FAT4: variants seen among roughly 807,000 people sequenced by gnomAD.
FAT4 encodes FAT atypical cadherin 4.
FAT4 carries 84 observed loss-of-function variants against 303.9 expected under a neutral mutation model. The ratio of observed to expected loss-of-function variants is 0.28; its 90% CI spans 0.23 to 0.33. The LOEUF (loss-of-function observed/expected upper bound fraction) is 0.33, where lower values mean the gene tolerates loss of function less well. Ranked by LOEUF, FAT4 falls within the 10% of genes least tolerant of loss-of-function variation. The pLI is 1.00. For missense variants in FAT4, 6,005 were observed against 6,146.8 expected (o/e 0.98, Z 0.77); for synonymous variants, 2,307 against 2,298.8 (o/e 1.00, Z -0.10).
intron 7 of FAT4, among the ~76,000 whole-genome samples, chr4:125,422,623 G>C (rs1237476123): frequency 6.6e-6 from 1 of 152,158 alleles, no homozygotes; most frequent in Non-Finnish European, 1.5e-5. Flanking sequence ...GCCAAACTGT[G>C]GGTCAATTAA....
In FAT4 at chr4:125,408,452, G is replaced by T. The variant is rs1225717812; in HGVS notation, c.5578G>T (p.Val1860Leu). Residue 1860 changes from valine (V) to leucine (L), a missense_variant, in exon 5 of 18, where the codon GTA (valine) becomes TTA (leucine). Val to Leu is a conservative substitution (Grantham distance 32). Transcript: ENST00000394329. ...IPEDTIPGSL[V>L]AAILATDDDS... is the part of the protein sequence containing the mutation. ...ATTTATTCTTTTGATAGGTTCTTTG[G>T]TAGCAGCCATTTTAGCCACGGATGA... 8 of 1,588,912 alleles carry T rather than the reference G, an allele frequency of 5.0e-6. No homozygotes were observed. The highest frequency in any genetic ancestry group is 6.8e-6 in the Non-Finnish European group (8 of 1,168,182).
At chr4:125,353,921 T>A (rs1732329973) in intron 2 of FAT4, among the ~76,000 whole-genome samples, 1 of 151,750 alleles carries the variant, frequency 6.6e-6, no homozygotes, top group South Asian at 2.1e-4. Flanking sequence ...TCTATCATCC[T>A]TATTTAAAAT....
Position 125,316,719 on chromosome 4 carries a change from G to C in FAT4, c.308G>C (p.Ser103Thr), listed in dbSNP as rs749388644. Reference protein sequence around the residue: ...TSTIDRESLPSDVINLVVLSS... With the variant: ...TSTIDRESLPTDVINLVVLSS... ...ACCATCGACCGCGAGAGCCTGCCCA[G>C]CGACGTGATCAACCTGGTGGTCCTT... is the stretch of plus-strand genomic sequence containing the variant. Residue 103 changes from serine (S) to threonine (T), a missense_variant, in exon 2 of 18, where the codon AGC becomes ACC. Ser to Thr is a moderately conservative substitution (Grantham distance 58, BLOSUM62 1). Coordinates refer to ENST00000394329, the MANE Select transcript of FAT4 (RefSeq NM_001291303.3). The surrounding 1 kb of genome is among the most constrained non-coding windows in gnomAD (Gnocchi z 5.7). 2 of 1,613,862 alleles carry C rather than the reference G, an allele frequency of 1.2e-6. No individual in the cohort carries two copies. Among genetic ancestry groups the C allele is most frequent in the South Asian group, 2.2e-5 (2 of 91,076 alleles).
At chr4:125,393,637 C>T (rs148097157) in intron 2 of FAT4, among the ~76,000 whole-genome samples, 32 of 152,216 alleles carry the variant, frequency 2.1e-4, no homozygotes, top group African/African-American at 7.5e-4. Context: ...GCACTATTCC[C>T]ACAGAAATAT....
intron 7 of FAT4, among the ~76,000 whole-genome samples, chr4:125,433,388 G>A (rs1168045037): frequency 2.0e-5 from 3 of 152,166 alleles, no homozygotes. Context: ...GATCTTCATT[G>A]TTTCTATTTA....
intron 16 of FAT4, among the ~76,000 whole-genome samples, chr4:125,484,850 G>C (rs1727352962): frequency 6.6e-6 from 1 of 151,794 alleles, no homozygotes; most frequent in South Asian, 2.1e-4. Context: ...AAGATTTTTG[G>C]GGGGATGGGG....
At chr4:125,369,104 A>G (rs1733004641) in intron 2 of FAT4, among the ~76,000 whole-genome samples, 2 of 152,162 alleles carry the variant, frequency 1.3e-5, no homozygotes, top group Non-Finnish European at 2.9e-5. Context: ...AATCTCTATC[A>G]GCCTTTTGCT....
intron 7 of FAT4, 47 bp downstream of exon 7, chr4:125,416,669 G>A (rs1735087062): frequency 1.3e-6 from 2 of 1,588,892 alleles, no homozygotes; most frequent in African/African-American, 2.7e-5. Flanking sequence ...TTCTAGGCCA[G>A]GCACGGTGGC....
At chr4:125,430,202 A>G (rs561466260) in intron 7 of FAT4, among the ~76,000 whole-genome samples, 2 of 152,200 alleles carry the variant, frequency 1.3e-5, no homozygotes, top group African/African-American at 2.4e-5. Context: ...AAAAGCAACA[A>G]CAAAAACACA....
chr4:125,447,602 A>G (rs558944879), intron 9 of FAT4, among the ~76,000 whole-genome samples: 1 of 152,280 alleles, frequency 6.6e-6, no homozygotes, highest in East Asian at 1.9e-4. Context: ...TGGACTTATA[A>G]CCACTGGCCT....
At chr4:125,446,617 G>T in intron 9 of FAT4, 74 bp downstream of exon 9, 1 of 1,345,030 alleles carries the variant, frequency 7.4e-7, no homozygotes, top group Non-Finnish European at 9.9e-7. Context: ...AAATATTTAT[G>T]ATATTTTACA....
chr4:125,355,673 C>T (rs948210076), intron 2 of FAT4, among the ~76,000 whole-genome samples: 1 of 151,892 alleles, frequency 6.6e-6, no homozygotes, highest in Non-Finnish European at 1.5e-5. Context: ...ATCTTCATCT[C>T]ATTTGTTTCT....
chr4:125,455,379 C>G (rs1388975410), intron 10 of FAT4, among the ~76,000 whole-genome samples: 1 of 152,094 alleles, frequency 6.6e-6, no homozygotes. Flanking sequence ...GCATACTTTT[C>G]TAAACGTGAT....
Position 125,463,670 on chromosome 4 carries a change from G to A in FAT4, c.11905+3G>A. Reference sequence around the variant, plus strand: ...TTATTATTGTCATTGTCCATTTGGTGAGTAAAACTTATTTGTTGATATAAA... The same window carrying A: ...TTATTATTGTCATTGTCCATTTGGTAAGTAAAACTTATTTGTTGATATAAA... On this transcript the variant is annotated splice_donor_region_variant and intron_variant, in intron 11 of 17. Transcript: ENST00000394329. The A allele has an allele frequency of 1.3e-6, 2 of 1,524,610 alleles. No homozygotes were observed. Among genetic ancestry groups the A allele is most frequent in the South Asian group, 1.3e-5 (1 of 78,222 alleles). The allele number at this position is 1,524,610 out of a possible 1,614,324, so 94.4% of individuals were successfully genotyped here.
chr4:125,338,597 A>C (rs1214697759), intron 2 of FAT4, among the ~76,000 whole-genome samples: 1 of 152,184 alleles, frequency 6.6e-6, no homozygotes, highest in African/African-American at 2.4e-5. Context: ...AGAGACTAGC[A>C]ATCTAATAGG....
rs762480153 is a variant in FAT4 at position 125,320,821 on chromosome 4, C to T, written c.4410C>T (p.Thr1470=). The change falls in exon 2 of 18, where the codon ACC becomes ACT. Residue 1470 remains threonine, a synonymous_variant. Coordinates refer to ENST00000394329, the MANE Select transcript of FAT4 (RefSeq NM_001291303.3). ...AGATGCCAAGAGGCAACCACTTTACCATAGATGAAGTCAAAGGGACTATAT... is the reference window on the plus strand; with the variant it reads ...AGATGCCAAGAGGCAACCACTTTACTATAGATGAAGTCAAAGGGACTATAT... ...IQQMPRGNHF[T]IDEVKGTIYT... 3 of 1,614,080 alleles carry T rather than the reference C, an allele frequency of 1.9e-6. No individual in the cohort carries two copies. Among genetic ancestry groups the T allele is most frequent in the South Asian group, 1.1e-5 (1 of 91,076 alleles).
At chr4:125,445,458 A>G (rs1725795161) in intron 8 of FAT4, among the ~76,000 whole-genome samples, 1 of 152,138 alleles carries the variant, frequency 6.6e-6, no homozygotes. Flanking sequence ...ATAAAAGAAG[A>G]AAACTTTTAA....
chr4:125,372,242 G>C (rs1733144597), intron 2 of FAT4, among the ~76,000 whole-genome samples: 1 of 151,858 alleles, frequency 6.6e-6, no homozygotes, highest in Non-Finnish European at 1.5e-5. Flanking sequence ...CACACCTGCA[G>C]TTCCAGCTAA....
intron 2 of FAT4, among the ~76,000 whole-genome samples, chr4:125,387,870 T>A (rs1282207524): frequency 1.3e-5 from 2 of 152,184 alleles, no homozygotes; most frequent in Non-Finnish European, 2.9e-5. Context: ...TTGGCTTTTG[T>A]ATCTGTTAGC....
Sources: allele counts gnomAD v4.1 joint callset (sites outside exome capture counted in the v4.1 genomes callset), GRCh38; gene constraint gnomAD v4.1.1; non-coding constraint Gnocchi (gnomAD v3.1); transcripts MANE v1.5; gene names NCBI Gene and HGNC (gene_info 2026-07-23, HGNC 2026-07-21).